The following PPP3CB variants were observed in gnomAD, a reference collection of about 807,000 sequenced individuals.
PPP3CB encodes serine/threonine-protein phosphatase 2B catalytic subunit beta isoform.
In PPP3CB, 8 loss-of-function variants were observed where a neutral mutation model predicts 66.4. The observed-to-expected ratio is 0.12, with a 90% CI of 0.07 to 0.22. The LOEUF (loss-of-function observed/expected upper bound fraction) is 0.22, where lower values mean the gene tolerates loss of function less well. Among genes scored for constraint, PPP3CB ranks in the 10% least tolerant of loss-of-function variants. The pLI is 1.00. For synonymous variants in PPP3CB, 208 were observed against 221.2 expected (o/e 0.94, Z 0.53); for missense variants, 319 against 642.5 (o/e 0.50, Z 5.44).
Position 73,495,979 on chromosome 10 carries a change from G to A in PPP3CB, c.-90C>T, listed in dbSNP as rs1476719449. The A allele has an allele frequency of 5.2e-6, 4 of 766,744 alleles. No homozygotes were observed. The highest frequency in any genetic ancestry group is 6.9e-6 in the Non-Finnish European group (4 of 578,928). 47.5% of individuals were successfully genotyped at this position (766,744 alleles called of 1,614,324 possible). On this transcript the variant is annotated 5_prime_UTR_variant, in exon 1 of 14. Coordinates refer to ENST00000360663, the MANE Select transcript of PPP3CB (RefSeq NM_021132.4). ...AGAGCCAAGCGGCGGCGCCGCCGGG[G>A]AACATGGCGGACCCTCTTTCCCTAC... is the stretch of plus-strand genomic sequence containing the variant.
intron 10 of PPP3CB, chr10:73,448,759 A>G: frequency 5.6e-6 from 3 of 532,594 alleles, no homozygotes; most frequent in East Asian, 5.4e-5. Context: ...AAATAAAAAG[A>G]TAGAGATTTA....
chr10:73,464,813 T>A (rs961079122), intron 9 of PPP3CB, among the ~76,000 whole-genome samples: 1 of 151,970 alleles, frequency 6.6e-6, no homozygotes, highest in Non-Finnish European at 1.5e-5. Context: ...ATGCCTGTAA[T>A]CCCACTACTC....
At chr10:73,470,620 T>G in intron 8 of PPP3CB, 67 bp downstream of exon 8, 1 of 977,854 alleles carries the variant, frequency 1.0e-6, no homozygotes, top group Non-Finnish European at 1.5e-6. Flanking sequence ...CCCTTTTTTA[T>G]TATATTAAAA....
chr10:73,438,047 G>A lies in PPP3CB; in HGVS notation c.*195C>T, dbSNP rs1589678199. ...CACTGCTCTCCACCTTGGCAGCGAT[G>A]ACCCAATCTTATCAGATAGCACATG... On this transcript the variant is annotated 3_prime_UTR_variant, in exon 14 of 14. Coordinates refer to ENST00000360663, the MANE Select transcript of PPP3CB (RefSeq NM_021132.4). The A allele has an allele frequency of 3.9e-6, 2 of 517,734 alleles. No individual in the cohort carries two copies. Among genetic ancestry groups the A allele is most frequent in the Non-Finnish European group, 6.5e-6 (2 of 306,174 alleles). 32.1% of individuals were successfully genotyped at this position (517,734 alleles called of 1,614,324 possible).
intron 9 of PPP3CB, among the ~76,000 whole-genome samples, chr10:73,457,506 A>G (rs2056448491): frequency 6.6e-6 from 1 of 152,028 alleles, no homozygotes; most frequent in African/African-American, 2.4e-5. Flanking sequence ...CAGGAGGCTG[A>G]GCAGGTGGAT....
intron 9 of PPP3CB, among the ~76,000 whole-genome samples, chr10:73,464,363 G>T (rs1311178169): frequency 1.3e-5 from 2 of 152,002 alleles, no homozygotes; most frequent in African/African-American, 2.4e-5. Flanking sequence ...CATCTTACTT[G>T]TATCTGTATT....
rs537296422 is a variant in PPP3CB at position 73,449,820 on chromosome 10, G to A, written c.1187-3247C>T. Among the ~76,000 whole-genome samples, 23 of 150,512 alleles carry A rather than the reference G, an allele frequency of 1.5e-4. No homozygotes were observed. The South Asian group carries it at 4.8e-3, about 32-fold the overall frequency. ...TCTTAGCTTTTTTTTTTTTGAGACC[G>A]AGTCTCGCTCTGTCAACCAGGCTGG... On this transcript the variant is annotated intron_variant, in intron 10 of 13. Transcript: ENST00000360663.
At chr10:73,476,842 A>C (rs2056797957) in intron 3 of PPP3CB, among the ~76,000 whole-genome samples, 1 of 152,114 alleles carries the variant, frequency 6.6e-6, no homozygotes. Flanking sequence ...CAGGAGGAAG[A>C]AGAACTCAAA....
At chr10:73,471,707 TC>T (rs1287277321) in intron 4 of PPP3CB, 94 bp from the exon 5 acceptor site, 3 of 972,336 alleles carry the variant, frequency 3.1e-6, no homozygotes, top group South Asian at 3.7e-5. Flanking sequence ...TCTTGTTCTC[TC>T]CCCTCCTTTA....
chr10:73,461,588 C>T (rs1420440268), intron 9 of PPP3CB, among the ~76,000 whole-genome samples: 1 of 152,060 alleles, frequency 6.6e-6, no homozygotes, highest in Non-Finnish European at 1.5e-5. Flanking sequence ...CTCATTAGGT[C>T]TTGGAAATAA....
rs375807700 is a variant in PPP3CB, at chr10:73,438,395, A to G, written c.1422T>C (p.His474=). ...EKAIRGFSPP[H]RICSFEEAKG... ...TTGCCTCTTCAAAACTGCAGATTCTATGTGGTGGAGAGAATCCTCGTATTG... is the reference window on the plus strand; with the variant it reads ...TTGCCTCTTCAAAACTGCAGATTCTGTGTGGTGGAGAGAATCCTCGTATTG... Residue 474 remains histidine (H), a synonymous_variant, in exon 14 of 14, where the codon CAT becomes CAC. Coordinates refer to ENST00000360663, the MANE Select transcript of PPP3CB (RefSeq NM_021132.4). 14 of 1,612,288 alleles carry G rather than the reference A, an allele frequency of 8.7e-6. No individual in the cohort carries two copies. The highest frequency in any genetic ancestry group is 5.0e-5 in the Admixed American group (3 of 59,990).
chr10:73,480,440 ATTTT>A (rs57553384), intron 1 of PPP3CB, among the ~76,000 whole-genome samples: 2 of 123,924 alleles, frequency 1.6e-5, no homozygotes, highest in African/African-American at 3.1e-5. Context: ...TATCCCTGTA[ATTTT>A]TTTTTTTTTT....
At chr10:73,451,962 G>C (rs2056353118) in intron 10 of PPP3CB, among the ~76,000 whole-genome samples, 1 of 151,512 alleles carries the variant, frequency 6.6e-6, no homozygotes, top group Non-Finnish European at 1.5e-5. Flanking sequence ...AAGCCAGGAT[G>C]GTCTTGATCT....
chr10:73,452,574 T>C (rs1266828760), intron 10 of PPP3CB, among the ~76,000 whole-genome samples: 1 of 151,902 alleles, frequency 6.6e-6, no homozygotes, highest in African/African-American at 2.4e-5. Flanking sequence ...TGGGCACCTG[T>C]AATCCCAGCT....
intron 9 of PPP3CB, among the ~76,000 whole-genome samples, chr10:73,462,933 G>A (rs2056548258): frequency 9.7e-6 from 1 of 102,998 alleles, no homozygotes; most frequent in African/African-American, 3.7e-5. Flanking sequence ...CTGGGTGACA[G>A]AGCAAGACTC....
chr10:73,457,593 C>T (rs924586006), intron 9 of PPP3CB, among the ~76,000 whole-genome samples: 1 of 151,752 alleles, frequency 6.6e-6, no homozygotes, highest in East Asian at 2.0e-4. Context: ...CAAAAATTAG[C>T]CGGGCATGGT....
At chr10:73,461,877 G>A (rs764257629) in intron 9 of PPP3CB, among the ~76,000 whole-genome samples, 3 of 152,140 alleles carry the variant, frequency 2.0e-5, no homozygotes, top group Non-Finnish European at 4.4e-5. Flanking sequence ...CTGGATCATG[G>A]GGGTGGATTT....
chr10:73,473,777 G>T (rs2056740921), intron 4 of PPP3CB, among the ~76,000 whole-genome samples: 1 of 152,134 alleles, frequency 6.6e-6, no homozygotes, highest in Non-Finnish European at 1.5e-5. Context: ...AATAATTTGA[G>T]AGAGAAAAGG....
intron 2 of PPP3CB, 25 bp from the exon 3 acceptor site, chr10:73,478,648 A>AG: frequency 6.3e-7 from 1 of 1,596,690 alleles, no homozygotes; most frequent in Non-Finnish European, 8.5e-7. Flanking sequence ...TTATTAGATA[A>AG]GGGAAAAAAA....
Sources: allele counts gnomAD v4.1 joint callset (sites outside exome capture counted in the v4.1 genomes callset), GRCh38; gene constraint gnomAD v4.1.1; transcripts MANE v1.5; gene names NCBI Gene and HGNC (gene_info 2026-07-23, HGNC 2026-07-21).